The following TARS1 variants were observed in gnomAD, a reference collection of about 807,000 sequenced individuals.
TARS1 encodes the protein threonyl-tRNA synthetase 1.
Under a neutral mutation model 97.7 loss-of-function variants are expected in TARS1, and 57 were observed. The observed-to-expected ratio is 0.58, with a 90% CI of 0.47 to 0.73. TARS1 has a LOEUF of 0.73. TARS1 is among the 30% of genes least tolerant of loss of function. The probability of loss-of-function intolerance (pLI) is 0.00; values close to 1 mark genes in which losing one functional copy is unlikely to be tolerated. For missense variants in TARS1, 806 were observed against 888.3 expected (o/e 0.91, Z 1.18); for synonymous variants, 312 against 293.7 (o/e 1.06, Z -0.64).
chr5:33,454,858 T>G (rs1307641350), intron 4 of TARS1, 87 bp from the exon 5 acceptor site: 2 of 1,496,540 alleles, frequency 1.3e-6, no homozygotes, highest in Non-Finnish European at 1.8e-6. Flanking sequence ...GTAGTAAATA[T>G]TATCATCTGT....
At chr5:33,442,087 T>A (rs1423243478) in intron 1 of TARS1, among the ~76,000 whole-genome samples, 1 of 152,226 alleles carries the variant, frequency 6.6e-6, no homozygotes, top group East Asian at 1.9e-4. Flanking sequence ...AGAAGGCTGT[T>A]GTAATAGTCC....
intron 3 of TARS1, 114 bp downstream of exon 3, chr5:33,448,845 T>A: frequency 2.3e-6 from 2 of 882,288 alleles, no homozygotes; most frequent in Non-Finnish European, 3.2e-6. Context: ...TCAGTGTTTT[T>A]AATCTGTTTA....
At chr5:33,445,726 A>C (rs1741379875) in intron 2 of TARS1, among the ~76,000 whole-genome samples, 1 of 152,216 alleles carries the variant, frequency 6.6e-6, no homozygotes, top group South Asian at 2.1e-4. Flanking sequence ...GCCAGCTCTG[A>C]CATTTCATTA....
In TARS1 at chr5:33,465,012, G is replaced by C. The variant is rs184122716; in HGVS notation, c.1908+1187G>C. ...ACCCAGGAGGCGGAGCTTGCAGTGA[G>C]CCAAGATCATGCCACTGCACTCCAG... On this transcript the variant is annotated intron_variant, in intron 17 of 18. Transcript: ENST00000265112. 2.5e-3 allele frequency among the ~76,000 whole-genome samples: 381 copies of C among 152,240 alleles called. 4 individuals are homozygous for C. The highest frequency in any genetic ancestry group is 8.9e-3 in the African/African-American group (368 of 41,534).
rs1242903938 is a variant in TARS1 at position 33,446,604 on chromosome 5, A to G, written c.138+1200A>G. The G allele has an allele frequency of 6.8e-6, 8 of 1,182,552 alleles. No homozygotes were observed. In the African/African-American group the frequency reaches 1.3e-4, roughly 19 times the overall value. 73.3% of individuals were successfully genotyped at this position (1,182,552 alleles called of 1,614,324 possible). A position where few individuals can be genotyped will look rare whatever the true frequency, so the allele number is the denominator to read the frequency against. On this transcript the variant is annotated intron_variant, in intron 2 of 18. Transcript: ENST00000265112. ...GTCCAAGACCTTGGTCTTCCCCTCC[A>G]AGGGCAACTTGCAGGTTTTATTCAT...
At chr5:33,441,494 T>G in intron 1 of TARS1, 1 of 232,312 alleles carries the variant, frequency 4.3e-6, no homozygotes, top group South Asian at 8.1e-5. Flanking sequence ...TGGCTTACTG[T>G]AAGCGGGAAA....
At chr5:33,455,746 T>C (rs762302780) in intron 6 of TARS1, 42 bp downstream of exon 6, 2 of 1,349,888 alleles carry the variant, frequency 1.5e-6, no homozygotes, top group South Asian at 2.5e-5. Context: ...GTTAATATCA[T>C]TTATTCATGT....
Position 33,455,604 on chromosome 5 carries a change from A to AT in TARS1, c.596dup (p.Ser200LeufsTer8). 6.2e-7 allele frequency: 1 copy of AT among 1,611,142 alleles called. No individual in the cohort carries two copies. Among genetic ancestry groups the AT allele is most frequent in the Non-Finnish European group, 8.5e-7 (1 of 1,177,898 alleles). Reference sequence around the variant, plus strand: ...TCCTTCAGGGGTGTGTCTAGCAATGATTTCTCTTCTCTGGAGGCTTTGTGT... The same window carrying AT: ...TCCTTCAGGGGTGTGTCTAGCAATGATTTTCTCTTCTCTGGAGGCTTTGTGT... On this transcript the variant is annotated frameshift_variant, in exon 6 of 19. Coordinates refer to ENST00000265112, the MANE Select transcript of TARS1 (RefSeq NM_152295.5). LOFTEE classifies it high-confidence loss of function.
intron 2 of TARS1, 148 bp from the exon 3 acceptor site, chr5:33,448,393 A>G (rs908002859): frequency 5.3e-6 from 3 of 563,886 alleles, no homozygotes; most frequent in African/African-American, 1.9e-5. Flanking sequence ...AATTGAGGTA[A>G]TGCCGGGTGA....
In TARS1 at chr5:33,447,798, A is replaced by T. The variant is rs116483994; in HGVS notation, c.139-743A>T. ...GTGTTAATGTTCATGTAATTTGAAG[A>T]TGATGAATGCTGTAGATGTTAGTTT... On this transcript the variant is annotated intron_variant, in intron 2 of 18. Coordinates refer to ENST00000265112, the MANE Select transcript of TARS1 (RefSeq NM_152295.5). Among the ~76,000 whole-genome samples, 1,334 of 152,356 alleles carry T rather than the reference A, an allele frequency of 8.8e-3. 8 individuals are homozygous for T. Among genetic ancestry groups the T allele is most frequent in the Non-Finnish European group, 0.011 (720 of 68,028 alleles).
Position 33,457,715 on chromosome 5 carries a change from T to G in TARS1, c.984+312T>G. 1.3e-5 allele frequency among the ~76,000 whole-genome samples: 2 copies of G among 152,218 alleles called. 1 individual carries two copies. Among genetic ancestry groups the G allele is most frequent in the Non-Finnish European group, 2.9e-5 (2 of 68,032 alleles). The stretch of plus-strand genomic sequence containing the variant: ...AGCTGGGAGAACTATGGAAACCCTC[T>G]AGTTTCACTGACTCATTTAAAATGT... On this transcript the variant is annotated intron_variant, in intron 9 of 18. Transcript: ENST00000265112.
At chr5:33,449,358 T>TATGTATAG (rs59141272) in intron 3 of TARS1, among the ~76,000 whole-genome samples, 2 of 146,404 alleles carry the variant, frequency 1.4e-5, no homozygotes, top group African/African-American at 5.2e-5. Flanking sequence ...TATATATATA[T>TATGTATAG]CTTAAACTGG....
In TARS1 at chr5:33,456,063, A is replaced by G. The variant is rs757014362; in HGVS notation, c.755A>G (p.Tyr252Cys). 3.1e-6 allele frequency: 5 copies of G among 1,613,530 alleles called. No individual in the cohort carries two copies. Among genetic ancestry groups the G allele is most frequent in the Non-Finnish European group, 3.4e-6 (4 of 1,179,624 alleles). The change falls in exon 7 of 19, where the codon TAT becomes TGT. Residue 252 changes from tyrosine to cysteine, a missense_variant. Transcript: ENST00000265112. ...EKVNTPTTTV[Y>C]RCGPLIDLCR... ...GTGAATACTCCAACTACCACAGTCT[A>G]TAGGTAAGAATATTAGATGTCATTA...
In TARS1 at chr5:33,455,044, T is replaced by C. The variant is rs1243574943; in HGVS notation, c.553T>C (p.Tyr185His). The change falls in exon 5 of 19, where the codon TAT (tyrosine) becomes CAT (histidine). Residue 185 changes from tyrosine (Y) to histidine (H), a missense_variant. Transcript: ENST00000265112. ...YGPPIENGFY[Y>H]DMYLEEGGVS... is the part of the protein sequence containing the mutation. ...TCCGCCAATAGAAAATGGATTCTAT[T>C]ATGACATGTACCTCGAAGAAGGGTA... 1 of 1,613,776 alleles carries C rather than the reference T, an allele frequency of 6.2e-7. No individual in the cohort carries two copies. Among genetic ancestry groups the C allele is most frequent in the Non-Finnish European group, 8.5e-7 (1 of 1,179,850 alleles).
intron 3 of TARS1, among the ~76,000 whole-genome samples, chr5:33,452,778 T>A (rs1000534134): frequency 6.6e-6 from 1 of 151,954 alleles, no homozygotes; most frequent in African/African-American, 2.4e-5. Context: ...GGCCTTTTTT[T>A]TTTCCTTTGG....
chr5:33,443,683 G>A (rs1741264985), intron 1 of TARS1, among the ~76,000 whole-genome samples: 1 of 151,902 alleles, frequency 6.6e-6, no homozygotes, highest in Non-Finnish European at 1.5e-5. Flanking sequence ...TTTTAGTAGA[G>A]ACGGGGTTTC....
rs1741084984 is a variant in TARS1, at chr5:33,441,335, G to T, written c.57+192G>T. The T allele has an allele frequency of 1.3e-5, 8 of 619,526 alleles. No homozygotes were observed. The South Asian group carries it at 1.5e-4, about 12-fold the overall frequency. The allele number at this position is 619,526 out of a possible 1,614,324, so 38.4% of individuals were successfully genotyped here. On this transcript the variant is annotated intron_variant, in intron 1 of 18. Coordinates refer to ENST00000265112, the MANE Select transcript of TARS1 (RefSeq NM_152295.5). Reference sequence around the variant, plus strand: ...ACCATCCATTCATAAATTAGGGTGGGGCCTTGCAGTTCATCTGTGGGTCCA... The same window carrying T: ...ACCATCCATTCATAAATTAGGGTGGTGCCTTGCAGTTCATCTGTGGGTCCA...
chr5:33,464,119 A>C (rs1742423719), intron 17 of TARS1, among the ~76,000 whole-genome samples: 1 of 152,172 alleles, frequency 6.6e-6, no homozygotes, highest in Admixed American at 6.5e-5. Context: ...TAGTACAGTC[A>C]TGGCTCACTG....
rs543891260 is a variant in TARS1 at position 33,450,453 on chromosome 5, A to T, written c.329+1722A>T. Among the ~76,000 whole-genome samples the T allele has an allele frequency of 3.9e-5, 6 of 152,328 alleles. No individual in the cohort carries two copies. The South Asian group carries it at 1.2e-3, about 32-fold the overall frequency. ...TACTGTACCACAGACATTAGTTAGT[A>T]CTTTTTACAAAGTGAATGGAGTGTT... On this transcript the variant is annotated intron_variant, in intron 3 of 18. Coordinates refer to ENST00000265112, the MANE Select transcript of TARS1 (RefSeq NM_152295.5).
Sources: gnomAD v4.1 joint callset for allele counts (sites outside exome capture counted in the v4.1 genomes callset) on GRCh38, gnomAD v4.1.1 for gene constraint, MANE v1.5 for transcripts, NCBI Gene and HGNC (gene_info 2026-07-23, HGNC 2026-07-21) for gene names.